ERCC8: variants seen among roughly 807,000 people sequenced by gnomAD.
ERCC8 encodes the protein ERCC excision repair 8, CSA ubiquitin ligase complex subunit.
In ERCC8, 52 loss-of-function variants were observed where a neutral mutation model predicts 54.9. The ratio of observed to expected loss-of-function variants is 0.95; its 90% CI spans 0.76 to 1.19. The LOEUF (loss-of-function observed/expected upper bound fraction) is 1.19, where lower values mean the gene tolerates loss of function less well. Ranked by LOEUF, ERCC8 falls within the 50% of genes most tolerant of loss-of-function variation. The pLI is 0.00. For synonymous variants in ERCC8, 146 were observed against 157.2 expected, an observed-to-expected ratio of 0.93 and a Z score of 0.53; for missense variants, 514 against 466.1, an observed-to-expected ratio of 1.10 and a Z score of -0.95.
chr5:60,879,813 T>G (rs563092199), intron 11 of ERCC8, among the ~76,000 whole-genome samples: 1 of 152,356 alleles, frequency 6.6e-6, no homozygotes, highest in South Asian at 2.1e-4. Context: ...TCTTGACTCT[T>G]TATCCAATTT....
At chr5:60,935,957 T>G (rs1361579645) in intron 1 of ERCC8, among the ~76,000 whole-genome samples, 1 of 152,268 alleles carries the variant, frequency 6.6e-6, no homozygotes, top group Middle Eastern at 3.4e-3. Context: ...TTGTTGGGGG[T>G]TTTTGCATCT....
chr5:60,930,879 G>C (rs535753060), intron 1 of ERCC8, among the ~76,000 whole-genome samples: 1 of 152,262 alleles, frequency 6.6e-6, no homozygotes, highest in East Asian at 1.9e-4. Flanking sequence ...GGCCAAGGAG[G>C]CCGGATCACT....
In ERCC8 at chr5:60,944,916, G is replaced by T; in HGVS notation, c.77+16C>A. ...TTCTAACTGGCCTGTTAGCCAAAAA[G>T]TAAGGTTTTCTTTACCTCCGTGTTG... On this transcript the variant is annotated intron_variant, in intron 1 of 11. Coordinates refer to ENST00000676185, the MANE Select transcript of ERCC8 (RefSeq NM_000082.4). 1 of 1,605,320 alleles carries T rather than the reference G, an allele frequency of 6.2e-7. No homozygotes were observed. Among genetic ancestry groups the T allele is most frequent in the Non-Finnish European group, 8.5e-7 (1 of 1,171,954 alleles).
At chr5:60,893,546 G>A (rs1326161110) in intron 9 of ERCC8, 1 of 712,846 alleles carries the variant, frequency 1.4e-6, no homozygotes, top group African/African-American at 1.8e-5. Flanking sequence ...AACTTTACCT[G>A]GCTTTTCATT....
rs933739444 is a variant in ERCC8, at chr5:60,891,058, C to A, written c.872G>T (p.Ser291Ile). The A allele has an allele frequency of 6.2e-7, 1 of 1,612,198 alleles. No individual in the cohort carries two copies. Among genetic ancestry groups the A allele is most frequent in the Non-Finnish European group, 8.5e-7 (1 of 1,179,488 alleles). Reference sequence around the variant, plus strand: ...GACAGTGAATTTCAATCCTTTTTTACTGTTATTACAAACTTTTCCATAGTT... The same window carrying A: ...GACAGTGAATTTCAATCCTTTTTTAATGTTATTACAAACTTTTCCATAGTT... ...LVNYGKVCNNSKKGLKFTVSC... is the reference protein window; with the variant it reads ...LVNYGKVCNNIKKGLKFTVSC... Residue 291 changes from serine (S) to isoleucine (I), a missense_variant, in exon 10 of 12, where the codon AGT becomes ATT. By Grantham distance (142) the Ser-to-Ile change is moderately radical (BLOSUM62 -2). Coordinates refer to ENST00000676185, the MANE Select transcript of ERCC8 (RefSeq NM_000082.4).
intron 11 of ERCC8, among the ~76,000 whole-genome samples, chr5:60,882,819 T>G (rs1748278017): frequency 6.6e-6 from 1 of 152,222 alleles, no homozygotes; most frequent in Admixed American, 6.5e-5. Context: ...CCTGTCTTTT[T>G]GGGTTGTCAA....
rs775226445 is a variant in ERCC8, at chr5:60,904,851, T to C, written c.422A>G (p.Glu141Gly). The C allele has an allele frequency of 7.0e-6, 11 of 1,580,212 alleles. No homozygotes were observed. The South Asian group carries it at 1.2e-4, about 17-fold the overall frequency. The stretch of plus-strand genomic sequence containing the variant: ...CATATGATGACTATAAACTGTTTCC[T>C]CAAAATTAAATACATCTGCAGTCTG... ...TLQTADVFNFEETVYSHHMSP... is the reference protein window; with the variant it reads ...TLQTADVFNFGETVYSHHMSP... Residue 141 changes from glutamate (E) to glycine (G), a missense_variant, in exon 5 of 12, where the codon GAG (glutamate) becomes GGG (glycine). Physicochemically the swap from Glu to Gly is moderately conservative, Grantham distance 98 (BLOSUM62 -2). Coordinates refer to ENST00000676185, the MANE Select transcript of ERCC8 (RefSeq NM_000082.4).
intron 3 of ERCC8, among the ~76,000 whole-genome samples, chr5:60,918,790 G>C (rs1443973348): frequency 6.6e-6 from 1 of 151,950 alleles, no homozygotes; most frequent in African/African-American, 2.4e-5. Context: ...TAGAATTATT[G>C]AATGCCTCAC....
At chr5:60,904,925 G>A in intron 4 of ERCC8, 52 bp from the exon 5 acceptor site, 1 of 918,472 alleles carries the variant, frequency 1.1e-6, no homozygotes, top group Non-Finnish European at 1.8e-6. Flanking sequence ...TAAAAACAAA[G>A]CAATAAATTT....
intron 11 of ERCC8, among the ~76,000 whole-genome samples, chr5:60,880,603 A>C (rs1309932330): frequency 6.6e-6 from 1 of 151,856 alleles, no homozygotes; most frequent in African/African-American, 2.4e-5. Flanking sequence ...TTCTCACTTC[A>C]TTTCATTCAT....
At chr5:60,930,875 G>C (rs1749888654) in intron 1 of ERCC8, among the ~76,000 whole-genome samples, 1 of 152,154 alleles carries the variant, frequency 6.6e-6, no homozygotes, top group Admixed American at 6.6e-5. Flanking sequence ...GGGAGGCCAA[G>C]GAGGCCGGAT....
At chr5:60,900,180 C>T (rs889035902) in intron 7 of ERCC8, among the ~76,000 whole-genome samples, 11 of 151,814 alleles carry the variant, frequency 7.2e-5, no homozygotes, top group Non-Finnish European at 1.2e-4. Flanking sequence ...ATATAAAAAA[C>T]GGTAAGTGTA....
chr5:60,910,298 A>G lies in ERCC8; in HGVS notation c.400-5425T>C, dbSNP rs12657309. Among the ~76,000 whole-genome samples the G allele has an allele frequency of 0.013, 2,038 of 152,282 alleles. 116 individuals carry two copies. The East Asian group carries it at 0.19, about 14-fold the overall frequency. ...ATTGCCTTCACTAGTATAACTTTATAGCAAGTCTTGATATCTGATAGTGAA... is the reference window on the plus strand; with the variant it reads ...ATTGCCTTCACTAGTATAACTTTATGGCAAGTCTTGATATCTGATAGTGAA... On this transcript the variant is annotated intron_variant, in intron 4 of 11. Transcript: ENST00000676185.
chr5:60,875,864 T>C (rs1747983559), intron 11 of ERCC8, among the ~76,000 whole-genome samples: 3 of 148,292 alleles, frequency 2.0e-5, no homozygotes, highest in South Asian at 4.2e-4. Flanking sequence ...GCCTGGATAA[T>C]TTTTTATATT....
chr5:60,938,075 ATATATATATATTT>A (rs1485263945), intron 1 of ERCC8, among the ~76,000 whole-genome samples: 4 of 18,928 alleles, frequency 2.1e-4, no homozygotes, highest in South Asian at 1.4e-3. Context: ...ATATATATAT[ATATATATATATTT>A]TATTTTTTTT....
chr5:60,911,745 T>C (rs969329417), intron 4 of ERCC8, among the ~76,000 whole-genome samples: 5 of 135,676 alleles, frequency 3.7e-5, no homozygotes, highest in African/African-American at 1.4e-4. Flanking sequence ...AAGTCTTTAA[T>C]CCATCTTGAA....
rs760813961 is a variant in ERCC8 at position 60,928,979 on chromosome 5, G to A, written c.78-20C>T. ...AAAACTCTTAAAAATAAAAGGGGGA[G>A]AAAGAAATTAACAAGTAATTTAACA... is the stretch of plus-strand genomic sequence containing the variant. On this transcript the variant is annotated intron_variant, in intron 1 of 11. Transcript: ENST00000676185. 7.3e-7 allele frequency: 1 copy of A among 1,363,006 alleles called. No individual in the cohort carries two copies. The highest frequency in any genetic ancestry group is 1.0e-6 in the Non-Finnish European group (1 of 954,636). The allele number at this position is 1,363,006 out of a possible 1,614,324, so 84.4% of individuals were successfully genotyped here. A position where few individuals can be genotyped will look rare whatever the true frequency, so the allele number is the denominator to read the frequency against.
At chr5:60,882,289 C>G (rs992236674) in intron 11 of ERCC8, among the ~76,000 whole-genome samples, 1 of 152,158 alleles carries the variant, frequency 6.6e-6, no homozygotes, top group East Asian at 1.9e-4. Flanking sequence ...CAAGTATCAG[C>G]TAGAAGAGCT....
intron 1 of ERCC8, among the ~76,000 whole-genome samples, chr5:60,941,601 CAA>C (rs1750259124): frequency 3.3e-5 from 5 of 152,054 alleles, no homozygotes; most frequent in Admixed American, 3.3e-4. Flanking sequence ...AGGATAAATC[CAA>C]AGAGATCTGC....
Sources: gnomAD v4.1 joint callset for allele counts (sites outside exome capture counted in the v4.1 genomes callset) on GRCh38, gnomAD v4.1.1 for gene constraint, MANE v1.5 for transcripts, NCBI Gene and HGNC (gene_info 2026-07-23, HGNC 2026-07-21) for gene names.